The following CENPF variants were observed in gnomAD, a reference collection of about 807,000 sequenced individuals.
CENPF encodes centromere protein F, also known as AH antigen.
In CENPF, 214 loss-of-function variants were observed where a neutral mutation model predicts 307.3. The ratio of observed to expected loss-of-function variants is 0.70; its 90% CI spans 0.62 to 0.78. The LOEUF (loss-of-function observed/expected upper bound fraction) is 0.78. Among genes scored for constraint, CENPF ranks in the 30% least tolerant of loss-of-function variants. CENPF has a pLI of 0.00. For synonymous variants in CENPF, 1,259 were observed against 1,270.6 expected (o/e 0.99, Z 0.19); for missense variants, 3,401 against 3,483.9 (o/e 0.98, Z 0.60).
At chr1:214,639,103 A>G (rs1464429553) in intron 11 of CENPF, among the ~76,000 whole-genome samples, 2 of 152,330 alleles carry the variant, frequency 1.3e-5, no homozygotes, top group Admixed American at 6.5e-5. Flanking sequence ...ATTGTAATAC[A>G]TGTTACCTTT....
Position 214,632,189 on chromosome 1 carries a change from G to A in CENPF, c.1324-291G>A, listed in dbSNP as rs2807667. Among the ~76,000 whole-genome samples the A allele has an allele frequency of 0.028, 4,217 of 151,998 alleles. 202 individuals are homozygous for A. Among genetic ancestry groups the A allele is most frequent in the African/African-American group, 0.096 (3,996 of 41,450 alleles). On this transcript the variant is annotated intron_variant, in intron 9 of 19. Transcript: ENST00000366955. ...TCTTATCTCAACTTATTTTCCTTTT[G>A]GTTATTTATTAATACCTAGCTGTTT...
intron 19 of CENPF, among the ~76,000 whole-genome samples, chr1:214,661,230 C>T (rs1362783594): frequency 6.6e-6 from 1 of 152,170 alleles, no homozygotes; most frequent in East Asian, 1.9e-4. Context: ...CAATTTTGTG[C>T]ACTTGCAAAT....
At chr1:214,638,790 C>T (rs543379268) in intron 11 of CENPF, among the ~76,000 whole-genome samples, 3 of 152,268 alleles carry the variant, frequency 2.0e-5, no homozygotes, top group South Asian at 4.2e-4. Context: ...GGCGACAGAG[C>T]GAGACTCCAT....
At position 214,608,190 on chromosome 1, in the gene CENPF, A is replaced by C; in HGVS notation, c.-42+4869A>C. 4.0e-6 allele frequency: 4 copies of C among 1,001,862 alleles called. No individual in the cohort carries two copies. The South Asian group carries it at 6.3e-5, about 16-fold the overall frequency. The allele number at this position is 1,001,862 out of a possible 1,614,324, so 62.1% of individuals were successfully genotyped here. A position where few individuals can be genotyped will look rare whatever the true frequency, so the allele number is the denominator to read the frequency against. ...CCTGTCCGGCTCTCTGGCCCTGTGC[A>C]TCCACTGTGGCTCCCCTCCTGCAGA... is the stretch of plus-strand genomic sequence containing the variant. On this transcript the variant is annotated intron_variant, in intron 1 of 19. Coordinates refer to ENST00000366955, the MANE Select transcript of CENPF (RefSeq NM_016343.4).
intron 9 of CENPF, 31 bp from the exon 10 acceptor site, chr1:214,632,449 A>G: frequency 6.2e-7 from 1 of 1,601,914 alleles, no homozygotes; most frequent in South Asian, 1.1e-5. Context: ...AGAACATGAA[A>G]ATGAAACTTG....
intron 10 of CENPF, among the ~76,000 whole-genome samples, chr1:214,634,621 C>T (rs999262578): frequency 3.9e-5 from 6 of 152,202 alleles, no homozygotes; most frequent in African/African-American, 1.4e-4. Flanking sequence ...AGTGCTCAGT[C>T]AGTTATTGCA....
chr1:214,611,788 G>C (rs188068968), intron 1 of CENPF, among the ~76,000 whole-genome samples: 2 of 152,242 alleles, frequency 1.3e-5, no homozygotes, highest in African/African-American at 4.8e-5. Flanking sequence ...CTTGGCTGTT[G>C]TCAGTGTATA....
chr1:214,606,110 C>T, intron 1 of CENPF: 1 of 1,572,488 alleles, frequency 6.4e-7, no homozygotes, highest in South Asian at 1.1e-5. Flanking sequence ...TCAGCCGCGG[C>T]CTCCGACGCG....
At position 214,642,931 on chromosome 1, in the gene CENPF, G is replaced by A; in HGVS notation, c.4593G>A (p.Leu1531=). The change falls in exon 12 of 20, where the codon CTG becomes CTA. Residue 1531 remains leucine, a synonymous_variant. Transcript: ENST00000366955. ...CSVDEVFCSS[L]QEENLTRKET... The stretch of plus-strand genomic sequence containing the variant: ...TAGATGAAGTATTTTGCAGCAGTCT[G>A]CAGGAGGAGAATCTGACCAGGAAAG... 1 of 1,613,590 alleles carries A rather than the reference G, an allele frequency of 6.2e-7. No individual in the cohort carries two copies. Among genetic ancestry groups the A allele is most frequent in the South Asian group, 1.1e-5 (1 of 91,032 alleles).
chr1:214,615,126 A>AT lies in CENPF; in HGVS notation c.359+106dup, dbSNP rs141181546. ...AACAATATAATTATTATACTTTGCAATTTTTTTTCCTGGTAGAATAAGTAA... is the reference window on the plus strand; with the variant it reads ...AACAATATAATTATTATACTTTGCAATTTTTTTTTCCTGGTAGAATAAGTAA... On this transcript the variant is annotated intron_variant, in intron 3 of 19. Coordinates refer to ENST00000366955, the MANE Select transcript of CENPF (RefSeq NM_016343.4). 6.8e-5 allele frequency: 54 copies of AT among 789,710 alleles called. 1 individual carries two copies. The highest frequency in any genetic ancestry group is 6.3e-4 in the African/African-American group (35 of 55,604). 48.9% of individuals were successfully genotyped at this position (789,710 alleles called of 1,614,324 possible). A position where few individuals can be genotyped will look rare whatever the true frequency, so the allele number is the denominator to read the frequency against.
At position 214,641,793 on chromosome 1, in the gene CENPF, A is replaced by C. The variant is rs962133335; in HGVS notation, c.3455A>C (p.Glu1152Ala). The C allele has an allele frequency of 1.2e-6, 2 of 1,603,608 alleles. No homozygotes were observed. The highest frequency in any genetic ancestry group is 1.8e-5 in the Admixed American group (1 of 57,008). Residue 1152 changes from glutamate (E) to alanine (A), a missense_variant, in exon 12 of 20, where the codon GAG (glutamate) becomes GCG (alanine). Coordinates refer to ENST00000366955, the MANE Select transcript of CENPF (RefSeq NM_016343.4). ...AAGGAAGTTAATGACTTATTACAAG[A>C]GAATGAACAGCTGATGAAGGTAATG... ...MQKEVNDLLQ[E>A]NEQLMKVMKT...
At chr1:214,612,418 C>G (rs1278767550) in intron 1 of CENPF, among the ~76,000 whole-genome samples, 1 of 152,080 alleles carries the variant, frequency 6.6e-6, no homozygotes, top group Non-Finnish European at 1.5e-5. Flanking sequence ...AGGATATTGG[C>G]TTGAAGTTTT....
At chr1:214,606,365 CGGAGGTAGG>C (rs1657033520) in intron 1 of CENPF, among the ~76,000 whole-genome samples, 1 of 152,146 alleles carries the variant, frequency 6.6e-6, no homozygotes, top group Non-Finnish European at 1.5e-5. Context: ...GGCCCTGGGG[CGGAGGTAGG>C]GGAGGCCCTG....
At chr1:214,605,913 C>T (rs903494924) in intron 1 of CENPF, 2 of 1,597,278 alleles carry the variant, frequency 1.3e-6, no homozygotes, top group African/African-American at 1.3e-5. Context: ...GGGAAGGCGT[C>T]GAAGCAGTAG....
In CENPF at chr1:214,645,686, G is replaced by T; in HGVS notation, c.6116G>T (p.Ser2039Ile). 6.2e-7 allele frequency: 1 copy of T among 1,614,168 alleles called. No individual in the cohort carries two copies. The highest frequency in any genetic ancestry group is 8.5e-7 in the Non-Finnish European group (1 of 1,180,022). ...DKTHLQEKLQ[S>I]LEKDSQALSL... ...ACTCATCTCCAGGAAAAGCTGCAGAGTTTGGAAAAGGACTCACAGGCACTG... is the reference window on the plus strand; with the variant it reads ...ACTCATCTCCAGGAAAAGCTGCAGATTTTGGAAAAGGACTCACAGGCACTG... The change falls in exon 13 of 20, where the codon AGT becomes ATT. Residue 2039 changes from serine to isoleucine, a missense_variant. Transcript: ENST00000366955.
At chr1:214,648,190 A>C (rs944233397) in intron 13 of CENPF, among the ~76,000 whole-genome samples, 1 of 152,210 alleles carries the variant, frequency 6.6e-6, no homozygotes, top group African/African-American at 2.4e-5. Context: ...GATGGCAGTC[A>C]GTATAGAGAT....
chr1:214,643,317 C>T lies in CENPF; in HGVS notation c.4979C>T (p.Thr1660Ile). 1 of 1,493,194 alleles carries T rather than the reference C, an allele frequency of 6.7e-7. No homozygotes were observed. Among genetic ancestry groups the T allele is most frequent in the South Asian group, 1.4e-5 (1 of 69,470 alleles). 92.5% of individuals were successfully genotyped at this position (1,493,194 alleles called of 1,614,324 possible). The change falls in exon 12 of 20, where the codon ACA becomes ATA. Residue 1660 changes from threonine (T) to isoleucine (I), a missense_variant. Physicochemically the swap from Thr to Ile is moderately conservative, Grantham distance 89. Transcript: ENST00000366955. The part of the protein sequence containing the change: ...LSSRSLLGID[T>I]EDAIQGRNES... Reference sequence around the variant, plus strand: ...TCTCGGTCTTTGCTTGGCATCGACACAGAAGATGTAAGTACCTGGGATTTA... The same window carrying T: ...TCTCGGTCTTTGCTTGGCATCGACATAGAAGATGTAAGTACCTGGGATTTA...
At chr1:214,605,841 C>A in intron 1 of CENPF, 1 of 1,595,726 alleles carries the variant, frequency 6.3e-7, no homozygotes. Flanking sequence ...TCGATCACCT[C>A]GTCCTCCGTG....
In CENPF at chr1:214,630,650, T is replaced by C. The variant is rs1453554278; in HGVS notation, c.1311T>C (p.Ala437=). 1 of 1,613,994 alleles carries C rather than the reference T, an allele frequency of 6.2e-7. No homozygotes were observed. Among genetic ancestry groups the C allele is most frequent in the Non-Finnish European group, 8.5e-7 (1 of 1,179,960 alleles). Residue 437 remains alanine, a synonymous_variant, in exon 9 of 20, where the codon GCT becomes GCC. Transcript: ENST00000366955. ...AGAATATGCACAACGTCCTGCAGGC[T>C]GAACTGGATAAAGTAGGGGCCGTGT... The part of the protein sequence containing the change: ...QAKNMHNVLQ[A]ELDKLTSVKQ...
Sources: gnomAD v4.1 joint callset for allele counts (sites outside exome capture counted in the v4.1 genomes callset) on GRCh38, gnomAD v4.1.1 for gene constraint, MANE v1.5 for transcripts, NCBI Gene and HGNC (gene_info 2026-07-23, HGNC 2026-07-21) for gene names.